The following ACTR3B variants were observed in gnomAD, a reference collection of about 807,000 sequenced individuals.
ACTR3B encodes the protein actin related protein 3B.
A neutral mutation model predicts 59.0 loss-of-function variants in ACTR3B; 8 were observed. That is an observed-to-expected ratio of 0.14 (90% confidence interval 0.08 to 0.24). The LOEUF (loss-of-function observed/expected upper bound fraction) is 0.24, where lower values mean the gene tolerates loss of function less well. Among genes scored for constraint, ACTR3B ranks in the 10% least tolerant of loss-of-function variants. ACTR3B has a pLI of 1.00. For synonymous variants in ACTR3B, 148 were observed against 197.9 expected (o/e 0.75, Z 2.12); for missense variants, 245 against 552.3 (o/e 0.44, Z 5.58).
At chr7:152,815,708 G>A (rs1397029977) in intron 5 of ACTR3B, among the ~76,000 whole-genome samples, 1 of 152,126 alleles carries the variant, frequency 6.6e-6, no homozygotes, top group African/African-American at 2.4e-5. Context: ...GATATTGTCA[G>A]ATGTTCCCTT....
chr7:152,765,795 A>T (rs2098108061), intron 1 of ACTR3B, among the ~76,000 whole-genome samples: 1 of 151,982 alleles, frequency 6.6e-6, no homozygotes, highest in Admixed American at 6.6e-5. Context: ...AAGAAAAAAA[A>T]AAGTTTATTT....
Position 152,807,120 on chromosome 7 carries a change from A to T in ACTR3B, c.336+5389A>T, listed in dbSNP as rs891222059. Among the ~76,000 whole-genome samples the T allele has an allele frequency of 3.1e-4, 47 of 152,158 alleles. 1 individual carries two copies. The highest frequency in any genetic ancestry group is 7.9e-4 in the Admixed American group (12 of 15,280). On this transcript the variant is annotated intron_variant, in intron 4 of 11. Transcript: ENST00000256001. ...ATACATTAGGAAATTGGGAAGTTAG[A>T]TGAGGAGTTTGTGTGATCTTGCCCC...
At chr7:152,783,837 C>G (rs1426168939) in intron 2 of ACTR3B, among the ~76,000 whole-genome samples, 1 of 151,822 alleles carries the variant, frequency 6.6e-6, no homozygotes, top group Non-Finnish European at 1.5e-5. Context: ...CGCATGTAAT[C>G]GCAGCACTTT....
intron 1 of ACTR3B, among the ~76,000 whole-genome samples, chr7:152,772,388 G>C (rs995575504): frequency 4.0e-5 from 6 of 151,644 alleles, no homozygotes; most frequent in African/African-American, 1.5e-4. Context: ...AGCCAGGTGT[G>C]GTGATGCGTG....
intron 8 of ACTR3B, 128 bp downstream of exon 8, chr7:152,823,643 C>T (rs936417085): frequency 3.1e-5 from 37 of 1,203,338 alleles, no homozygotes; most frequent in Non-Finnish European, 3.7e-5. Flanking sequence ...TCTCTGCATC[C>T]CCTGTGCAGT....
chr7:152,768,636 C>T (rs1215029833), intron 1 of ACTR3B, among the ~76,000 whole-genome samples: 2 of 151,760 alleles, frequency 1.3e-5, no homozygotes, highest in Non-Finnish European at 2.9e-5. Context: ...GCCATCACGC[C>T]CAGCTAATTT....
chr7:152,803,129 C>T (rs1481754462), intron 4 of ACTR3B, among the ~76,000 whole-genome samples: 2 of 152,192 alleles, frequency 1.3e-5, no homozygotes, highest in East Asian at 1.9e-4. Flanking sequence ...TCACTGCAGC[C>T]TCGGACTCTG....
At chr7:152,807,654 A>T (rs912803964) in intron 4 of ACTR3B, among the ~76,000 whole-genome samples, 1 of 152,220 alleles carries the variant, frequency 6.6e-6, no homozygotes, top group Non-Finnish European at 1.5e-5. Context: ...TCTTGTCAGC[A>T]TTAATATTAT....
At chr7:152,804,511 C>T (rs1305610909) in intron 4 of ACTR3B, among the ~76,000 whole-genome samples, 1 of 152,054 alleles carries the variant, frequency 6.6e-6, no homozygotes, top group Non-Finnish European at 1.5e-5. Flanking sequence ...TGGGCAGACA[C>T]CTCTGGCACA....
At chr7:152,775,759 CAAA>C (rs201001560) in intron 1 of ACTR3B, among the ~76,000 whole-genome samples, 1 of 116,394 alleles carries the variant, frequency 8.6e-6, no homozygotes, top group South Asian at 2.7e-4. Context: ...AACTCCGTCT[CAAA>C]AAAAAAAAAA....
chr7:152,800,294 A>G (rs1471616218), intron 2 of ACTR3B, among the ~76,000 whole-genome samples: 1 of 152,278 alleles, frequency 6.6e-6, no homozygotes, highest in Non-Finnish European at 1.5e-5. Context: ...TGTCAGTATA[A>G]AAGTAGAGCA....
At chr7:152,761,479 A>G (rs1311419798) in intron 1 of ACTR3B, among the ~76,000 whole-genome samples, 1 of 152,246 alleles carries the variant, frequency 6.6e-6, no homozygotes, top group Non-Finnish European at 1.5e-5. Context: ...TACCTTTAAG[A>G]TTAGTAAGTC....
intron 1 of ACTR3B, among the ~76,000 whole-genome samples, chr7:152,777,940 A>AC (rs373072205): frequency 0.018 from 2,675 of 147,940 alleles, 89 homozygotes; most frequent in African/African-American, 0.064. Context: ...ACAGAGCAAG[A>AC]CTCCGTCTCA....
chr7:152,793,510 G>A lies in ACTR3B; in HGVS notation c.101-7021G>A, dbSNP rs200927767. 9.5e-3 allele frequency among the ~76,000 whole-genome samples: 1,294 copies of A among 135,698 alleles called. 5 individuals carry two copies. The highest frequency in any genetic ancestry group is 0.027 in the East Asian group (119 of 4,460). The allele number at this position is 135,698 out of a possible 152,430, so 89.0% of individuals were successfully genotyped here. A position where few individuals can be genotyped will look rare whatever the true frequency, so the allele number is the denominator to read the frequency against. ...AATTCTAGAATTTCCATATGGTTTT[G>A]TCTTTATATCTTGTTTCTTTGCTGT... On this transcript the variant is annotated intron_variant, in intron 2 of 11. Transcript: ENST00000256001.
At chr7:152,843,369 G>A (rs990128354) in intron 9 of ACTR3B, among the ~76,000 whole-genome samples, 2 of 152,196 alleles carry the variant, frequency 1.3e-5, no homozygotes, top group Admixed American at 6.5e-5. Flanking sequence ...TATATGAAAT[G>A]AGAAAGTAAA....
intron 2 of ACTR3B, among the ~76,000 whole-genome samples, chr7:152,792,230 A>G (rs902301906): frequency 3.9e-5 from 6 of 152,162 alleles, no homozygotes; most frequent in African/African-American, 1.2e-4. Flanking sequence ...CTCGATATAC[A>G]TTGAATCTCA....
intron 2 of ACTR3B, among the ~76,000 whole-genome samples, chr7:152,798,848 TTA>T (rs2098225766): frequency 6.6e-6 from 1 of 152,202 alleles, no homozygotes; most frequent in South Asian, 2.1e-4. Flanking sequence ...TTCCACTGGT[TTA>T]TATGTCTGTT....
chr7:152,759,962 C>G, intron 1 of ACTR3B, 36 bp downstream of exon 1: 1 of 1,330,884 alleles, frequency 7.5e-7, no homozygotes, highest in Non-Finnish European at 9.7e-7. Context: ...CGCTCCTCCG[C>G]GGCCCCGCTC....
chr7:152,824,934 A>G lies in ACTR3B; in HGVS notation c.859-96A>G. The stretch of plus-strand genomic sequence containing the variant: ...ATGTGAATTCTTTTAAGTTATAATA[A>G]ATTGTATATTTGTTAAAGTTACTTT... On this transcript the variant is annotated intron_variant, in intron 8 of 11. Coordinates refer to ENST00000256001, the MANE Select transcript of ACTR3B (RefSeq NM_020445.6). This position sits in a 1 kb window ranked among gnomAD's most constrained non-coding sequence, Gnocchi z 4.2. 7.8e-7 allele frequency: 1 copy of G among 1,286,048 alleles called. No homozygotes were observed. Among genetic ancestry groups the G allele is most frequent in the Non-Finnish European group, 1.1e-6 (1 of 943,778 alleles). 79.7% of individuals were successfully genotyped at this position (1,286,048 alleles called of 1,614,324 possible).
Sources: allele counts gnomAD v4.1 joint callset (sites outside exome capture counted in the v4.1 genomes callset), GRCh38; gene constraint gnomAD v4.1.1; non-coding constraint Gnocchi (gnomAD v3.1); transcripts MANE v1.5; gene names NCBI Gene and HGNC (gene_info 2026-07-23, HGNC 2026-07-21).